Variants in SPOCK1 observed in about 807,000 individuals in gnomAD.
SPOCK1 encodes the protein SPARC (osteonectin), cwcv and kazal like domains proteoglycan 1.
A neutral mutation model predicts 55.3 loss-of-function variants in SPOCK1; 23 were observed. That is an observed-to-expected ratio of 0.42 (90% confidence interval 0.30 to 0.59). The LOEUF (loss-of-function observed/expected upper bound fraction) is 0.59. Among genes scored for constraint, SPOCK1 ranks in the 20% least tolerant of loss-of-function variants. The pLI is 0.22. For missense variants in SPOCK1, 499 were observed against 552.5 expected, an observed-to-expected ratio of 0.90 and a Z score of 0.97; for synonymous variants, 226 against 221.0, an observed-to-expected ratio of 1.02 and a Z score of -0.20.
At chr5:137,209,397 T>C (rs1755571335) in intron 3 of SPOCK1, among the ~76,000 whole-genome samples, 1 of 152,200 alleles carries the variant, frequency 6.6e-6, no homozygotes, top group Non-Finnish European at 1.5e-5. Flanking sequence ...TAAGCGCAAG[T>C]AGATGTGGAG....
At chr5:137,024,566 C>A (rs1014423776) in intron 6 of SPOCK1, among the ~76,000 whole-genome samples, 2 of 151,432 alleles carry the variant, frequency 1.3e-5, no homozygotes, top group Non-Finnish European at 2.9e-5. Context: ...AAATAATTTC[C>A]TGCTGTATAG....
chr5:137,101,542 G>T (rs1016124120), intron 5 of SPOCK1, among the ~76,000 whole-genome samples: 6 of 152,216 alleles, frequency 3.9e-5, no homozygotes, highest in Non-Finnish European at 5.9e-5. Flanking sequence ...TTGGTTAAAT[G>T]CATGTTTGCA....
chr5:137,121,235 T>C (rs2127037970), intron 4 of SPOCK1, among the ~76,000 whole-genome samples: 1 of 152,340 alleles, frequency 6.6e-6, no homozygotes, highest in East Asian at 1.9e-4. Context: ...ATATTTAATT[T>C]CTCTGAACAG....
At chr5:137,308,013 T>C (rs575326515) in intron 2 of SPOCK1, among the ~76,000 whole-genome samples, 2 of 152,310 alleles carry the variant, frequency 1.3e-5, no homozygotes, top group South Asian at 4.1e-4. Flanking sequence ...AAAATGATGA[T>C]ATACACAAAG....
At chr5:137,446,073 C>G (rs931821773) in intron 2 of SPOCK1, among the ~76,000 whole-genome samples, 1 of 152,142 alleles carries the variant, frequency 6.6e-6, no homozygotes, top group African/African-American at 2.4e-5. Flanking sequence ...CCTTCCAGCA[C>G]TAAAATTCTA....
intron 3 of SPOCK1, among the ~76,000 whole-genome samples, chr5:137,206,535 A>G (rs914325115): frequency 1.3e-5 from 2 of 152,220 alleles, no homozygotes; most frequent in African/African-American, 2.4e-5. Flanking sequence ...CCTGCAATTT[A>G]CTAGCAGAGG....
intron 2 of SPOCK1, among the ~76,000 whole-genome samples, chr5:137,477,268 G>A (rs1753855303): frequency 6.6e-6 from 1 of 152,106 alleles, no homozygotes; most frequent in Non-Finnish European, 1.5e-5. Flanking sequence ...AATGTATAAA[G>A]CAATATGGCT....
chr5:137,433,346 TC>T (rs1265124371), intron 2 of SPOCK1, among the ~76,000 whole-genome samples: 5 of 2,746 alleles, frequency 1.8e-3, no homozygotes, highest in African/African-American at 2.0e-3. Flanking sequence ...AATAGCCAGT[TC>T]ACTAGGCAGA....
Position 136,992,130 on chromosome 5 carries a change from C to T in SPOCK1, c.706+354G>A, listed in dbSNP as rs542825307. Among the ~76,000 whole-genome samples, 4 of 152,238 alleles carry T rather than the reference C, an allele frequency of 2.6e-5. No individual in the cohort carries two copies. The East Asian group carries it at 7.7e-4, about 29-fold the overall frequency. Reference sequence around the variant, plus strand: ...CTATCAGAAAGCAGAATACTATTCACAACATGAAAAGATAGTCACATTTCT... The same window carrying T: ...CTATCAGAAAGCAGAATACTATTCATAACATGAAAAGATAGTCACATTTCT... On this transcript the variant is annotated intron_variant, in intron 7 of 10. Coordinates refer to ENST00000394945, the MANE Select transcript of SPOCK1 (RefSeq NM_004598.4).
intron 4 of SPOCK1, among the ~76,000 whole-genome samples, chr5:137,135,996 C>T (rs1405665531): frequency 2.6e-5 from 4 of 152,196 alleles, no homozygotes; most frequent in African/African-American, 7.2e-5. Flanking sequence ...TTATATTTTA[C>T]AATCAAATCT....
chr5:137,485,247 G>T (rs951088307), intron 2 of SPOCK1, among the ~76,000 whole-genome samples: 3 of 152,106 alleles, frequency 2.0e-5, no homozygotes, highest in African/African-American at 4.8e-5. Context: ...GGGTATCTTT[G>T]TCCCTAGCAC....
intron 2 of SPOCK1, among the ~76,000 whole-genome samples, chr5:137,403,521 T>C (rs557385791): frequency 1.3e-5 from 2 of 152,164 alleles, no homozygotes; most frequent in African/African-American, 4.8e-5. Context: ...ATCTAATGTG[T>C]TATTAGGGAA....
chr5:137,070,610 A>G (rs1752594343), intron 5 of SPOCK1, among the ~76,000 whole-genome samples: 3 of 152,138 alleles, frequency 2.0e-5, no homozygotes, highest in African/African-American at 7.2e-5. Context: ...GGAGCTCAGT[A>G]CTCACCACAT....
At chr5:137,241,682 T>C (rs1430470639) in intron 3 of SPOCK1, among the ~76,000 whole-genome samples, 2 of 152,104 alleles carry the variant, frequency 1.3e-5, no homozygotes, top group Non-Finnish European at 2.9e-5. Flanking sequence ...CCTTCAGCCA[T>C]GGGATGGCAC....
At position 137,164,235 on chromosome 5, in the gene SPOCK1, T is replaced by C. The variant is rs1272955420; in HGVS notation, c.233-23541A>G. ...CCAGATTAAGTTTGTCTTTTTTTTTTCTTATCCCTACCAAGAATCTCATCA... is the reference window on the plus strand; with the variant it reads ...CCAGATTAAGTTTGTCTTTTTTTTTCCTTATCCCTACCAAGAATCTCATCA... On this transcript the variant is annotated intron_variant, in intron 3 of 10. Coordinates refer to ENST00000394945, the MANE Select transcript of SPOCK1 (RefSeq NM_004598.4). Among the ~76,000 whole-genome samples, 5 of 152,182 alleles carry C rather than the reference T, an allele frequency of 3.3e-5. No individual in the cohort carries two copies. The East Asian group carries it at 5.8e-4, about 18-fold the overall frequency.
At chr5:137,183,215 C>A (rs958945608) in intron 3 of SPOCK1, among the ~76,000 whole-genome samples, 2 of 152,154 alleles carry the variant, frequency 1.3e-5, no homozygotes, top group African/African-American at 4.8e-5. Context: ...AAGTACTCAT[C>A]CCCAGTCACA....
intron 2 of SPOCK1, among the ~76,000 whole-genome samples, chr5:137,316,571 G>A (rs1271703920): frequency 6.6e-6 from 1 of 152,186 alleles, no homozygotes; most frequent in African/African-American, 2.4e-5. Flanking sequence ...ACCAGGACTT[G>A]TGACTCACAG....
intron 2 of SPOCK1, among the ~76,000 whole-genome samples, chr5:137,432,286 G>A (rs1580923880): frequency 6.6e-6 from 1 of 152,180 alleles, no homozygotes; most frequent in African/African-American, 2.4e-5. Flanking sequence ...AGCAGGGACT[G>A]GAGAAGATAT....
chr5:137,293,672 G>A (rs555281245), intron 2 of SPOCK1, among the ~76,000 whole-genome samples: 2 of 152,268 alleles, frequency 1.3e-5, no homozygotes, highest in African/African-American at 2.4e-5. Context: ...ACAAGAGCTC[G>A]GAATAAGCAG....
Sources: gnomAD v4.1 joint callset for allele counts (sites outside exome capture counted in the v4.1 genomes callset) on GRCh38, gnomAD v4.1.1 for gene constraint, MANE v1.5 for transcripts, NCBI Gene and HGNC (gene_info 2026-07-23, HGNC 2026-07-21) for gene names.